Variants in RYR2 observed in about 807,000 individuals in gnomAD.
The protein encoded by RYR2 is cardiac muscle ryanodine receptor-calcium release channel.
RYR2 carries 227 observed loss-of-function variants against 601.1 expected under a neutral mutation model. That is an observed-to-expected ratio of 0.38 (90% CI 0.34 to 0.42). RYR2 has a LOEUF of 0.42. Among genes scored for constraint, RYR2 ranks in the 10% least tolerant of loss-of-function variants. The pLI is 1.00. For synonymous variants in RYR2, 2,223 were observed against 2,175.1 expected (o/e 1.02, Z -0.61); for missense variants, 4,646 against 6,156.5 (o/e 0.75, Z 8.21).
At chr1:237,313,845 T>C (rs1382092682) in intron 2 of RYR2, among the ~76,000 whole-genome samples, 2 of 152,120 alleles carry the variant, frequency 1.3e-5, no homozygotes, top group Non-Finnish European at 2.9e-5. Flanking sequence ...TTTTTATTTA[T>C]TGACTTATTT....
intron 10 of RYR2, among the ~76,000 whole-genome samples, chr1:237,397,425 T>C (rs1702952739): frequency 6.6e-6 from 1 of 152,146 alleles, no homozygotes. Context: ...TTTTATACAG[T>C]CTAGGGAAGT....
chr1:237,474,937 A>C (rs550276312), intron 17 of RYR2, among the ~76,000 whole-genome samples: 1 of 152,314 alleles, frequency 6.6e-6, no homozygotes, highest in East Asian at 1.9e-4. Context: ...TTGCAGCTGA[A>C]CACCATGTTG....
intron 6 of RYR2, among the ~76,000 whole-genome samples, chr1:237,374,271 C>A (rs34014093): frequency 6.6e-5 from 10 of 151,930 alleles, no homozygotes; most frequent in African/African-American, 2.4e-4. Context: ...CCTATAATCC[C>A]GGCACCTTGG....
At chr1:237,173,041 G>GGTT (rs1572092946) in intron 1 of RYR2, among the ~76,000 whole-genome samples, 1 of 152,086 alleles carries the variant, frequency 6.6e-6, no homozygotes, top group Non-Finnish European at 1.5e-5. Context: ...TAACTGTTAA[G>GGTT]GTTGTTATTA....
Position 237,805,994 on chromosome 1 carries a change from G to A in RYR2, c.14152-143G>A, listed in dbSNP as rs538642430. On this transcript the variant is annotated intron_variant, in intron 98 of 104. Coordinates refer to ENST00000366574, the MANE Select transcript of RYR2 (RefSeq NM_001035.3). ...CCTCTCTCCTACTTTTTACTTCCAT[G>A]AGATTAACTTTTTAAGATTCCACAT... The A allele has an allele frequency of 9.1e-6, 6 of 662,824 alleles. No homozygotes were observed. Among genetic ancestry groups the A allele is most frequent in the Non-Finnish European group, 1.5e-5 (6 of 399,252 alleles). 41.1% of individuals were successfully genotyped at this position (662,824 alleles called of 1,614,324 possible). A position where few individuals can be genotyped will look rare whatever the true frequency, so the allele number is the denominator to read the frequency against.
chr1:237,084,580 G>A (rs1324033252), intron 1 of RYR2, among the ~76,000 whole-genome samples: 1 of 152,084 alleles, frequency 6.6e-6, no homozygotes, highest in East Asian at 1.9e-4. Context: ...GCGGGGGAGG[G>A]GTAGTTTGTG....
intron 80 of RYR2, among the ~76,000 whole-genome samples, chr1:237,748,783 T>A (rs1320876225): frequency 6.6e-6 from 1 of 152,212 alleles, no homozygotes; most frequent in East Asian, 1.9e-4. Flanking sequence ...TATCTGTGGC[T>A]TCCACATCCT....
intron 8 of RYR2, among the ~76,000 whole-genome samples, chr1:237,381,244 T>C (rs1572062617): frequency 1.1e-5 from 1 of 92,960 alleles, no homozygotes; most frequent in Non-Finnish European, 1.9e-5. Flanking sequence ...AGAACGAGAC[T>C]CCGTCTCAAA....
In RYR2 at chr1:237,493,102, A is replaced by G; in HGVS notation, c.1961+15A>G. ...CATGTCAGCAGGTAAATTCAGACAG[A>G]CAATGTCACCTGACAGGTACCATAA... On this transcript the variant is annotated intron_variant, in intron 19 of 104. Transcript: ENST00000366574. 6.2e-7 allele frequency: 1 copy of G among 1,613,410 alleles called. No individual in the cohort carries two copies. The highest frequency in any genetic ancestry group is 1.1e-5 in the South Asian group (1 of 90,890).
At chr1:237,548,997 A>G (rs191154395) in intron 26 of RYR2, among the ~76,000 whole-genome samples, 9 of 152,314 alleles carry the variant, frequency 5.9e-5, no homozygotes, top group South Asian at 2.1e-4. Context: ...GGTTTTCAGA[A>G]TGGTGATTTG....
In RYR2 at chr1:237,819,836, C is replaced by CCAACAA. The variant is rs146324561; in HGVS notation, c.14590+660_14590+665dup. Among the ~76,000 whole-genome samples the CCAACAA allele has an allele frequency of 6.0e-5, 9 of 151,188 alleles. No homozygotes were observed. The highest frequency in any genetic ancestry group is 1.0e-4 in the Non-Finnish European group (7 of 67,850). On this transcript the variant is annotated intron_variant, in intron 101 of 104. Coordinates refer to ENST00000366574, the MANE Select transcript of RYR2 (RefSeq NM_001035.3). The surrounding 1 kb of genome is among the most constrained non-coding windows in gnomAD (Gnocchi z 4.0). ...TCCATTTCAAAACACACACTCAAAC[C>CCAACAA]CAACAACAACAACAACAACAAAAAC...
intron 96 of RYR2, among the ~76,000 whole-genome samples, chr1:237,797,355 A>C (rs78347048): frequency 5.6e-4 from 85 of 151,516 alleles, no homozygotes; most frequent in African/African-American, 2.0e-3. Flanking sequence ...GATGGTGACA[A>C]GGTTGCAGGT....
chr1:237,043,664 T>G (rs1412888035), intron 1 of RYR2, among the ~76,000 whole-genome samples: 4 of 152,164 alleles, frequency 2.6e-5, no homozygotes, highest in Non-Finnish European at 5.9e-5. Context: ...TCCCGAAGGA[T>G]GTTCCCTTGC....
chr1:237,387,518 T>C (rs1459924286), intron 9 of RYR2, 138 bp downstream of exon 9: 10 of 709,402 alleles, frequency 1.4e-5, no homozygotes, highest in Non-Finnish European at 2.1e-5. Context: ...ATACCTGACA[T>C]TTGAGGATCT....
chr1:237,209,473 T>C (rs1312322749), intron 1 of RYR2, among the ~76,000 whole-genome samples: 1 of 129,212 alleles, frequency 7.7e-6, no homozygotes. Flanking sequence ...ACTATAGTTA[T>C]GGTACAGTGT....
At position 237,698,500 on chromosome 1, in the gene RYR2, A is replaced by G. The variant is rs886895490; in HGVS notation, c.9068-465A>G. Among the ~76,000 whole-genome samples the G allele has an allele frequency of 8.5e-5, 13 of 152,304 alleles. No homozygotes were observed. The East Asian group carries it at 2.5e-3, about 29-fold the overall frequency. On this transcript the variant is annotated intron_variant, in intron 63 of 104. Coordinates refer to ENST00000366574, the MANE Select transcript of RYR2 (RefSeq NM_001035.3). ...TACCTTCATGCAATGGAATTCAGGCAAATTAATTCATCTTAATGCAGTGGG... is the reference window on the plus strand; with the variant it reads ...TACCTTCATGCAATGGAATTCAGGCGAATTAATTCATCTTAATGCAGTGGG...
chr1:237,509,022 G>A (rs1054900143), intron 23 of RYR2, among the ~76,000 whole-genome samples: 7 of 152,064 alleles, frequency 4.6e-5, no homozygotes, highest in Admixed American at 2.0e-4. Flanking sequence ...GATTACAGGC[G>A]TGAGCCACCG....
At chr1:237,336,226 T>G (rs1412665320) in intron 3 of RYR2, among the ~76,000 whole-genome samples, 1 of 152,146 alleles carries the variant, frequency 6.6e-6, no homozygotes, top group Non-Finnish European at 1.5e-5. Flanking sequence ...AGAAGTAATA[T>G]TAAAACTATT....
At chr1:237,455,955 AAG>A (rs1234137839) in intron 15 of RYR2, among the ~76,000 whole-genome samples, 3 of 152,142 alleles carry the variant, frequency 2.0e-5, no homozygotes, top group Non-Finnish European at 2.9e-5. Context: ...CTTCTCATAT[AAG>A]ACAATCTGGA....
Sources: gnomAD v4.1 joint callset for allele counts (sites outside exome capture counted in the v4.1 genomes callset) on GRCh38, gnomAD v4.1.1 for gene constraint, Gnocchi (gnomAD v3.1) non-coding constraint, MANE v1.5 for transcripts, NCBI Gene and HGNC (gene_info 2026-07-23, HGNC 2026-07-21) for gene names.